Variants in STMN3 observed in about 807,000 individuals in gnomAD.
STMN3 encodes stathmin 3.
In STMN3, 24 loss-of-function variants were observed where a neutral mutation model predicts 23.2. That is an observed-to-expected ratio of 1.03 (90% CI 0.75 to 1.45). STMN3 has a LOEUF of 1.45. STMN3 is among the 40% of genes most tolerant of loss of function. STMN3 has a pLI of 0.00. For missense variants in STMN3, 235 were observed against 237.6 expected (o/e 0.99, Z 0.07); for synonymous variants, 117 against 103.4 (o/e 1.13, Z -0.80).
intron 1 of STMN3, among the ~76,000 whole-genome samples, chr20:63,648,843 T>A (rs2146121002): frequency 6.6e-6 from 1 of 152,174 alleles, no homozygotes; most frequent in South Asian, 2.1e-4. Flanking sequence ...GAAAAAAAGA[T>A]CTGTAGGCTC....
Position 63,644,229 on chromosome 20 carries a change from C to T in STMN3, c.100G>A (p.Val34Ile), listed in dbSNP as rs556068883. The T allele has an allele frequency of 8.1e-6, 13 of 1,613,602 alleles. No homozygotes were observed. The highest frequency in any genetic ancestry group is 2.2e-5 in the East Asian group (1 of 44,884). ...AGGCACTCACCCCCGTACTGGTAGA[C>T]GGTATTGGGGTGCGGCTGTGTGTAG... Reference protein sequence around the residue: ...CFYTQPHPNTVYQYGDMEVKQ... With the variant: ...CFYTQPHPNTIYQYGDMEVKQ... The change falls in exon 2 of 5, where the codon GTC becomes ATC. Residue 34 changes from valine to isoleucine, a missense_variant. By Grantham distance (29) the Val-to-Ile change is conservative. Transcript: ENST00000370053.
intron 3 of STMN3, 100 bp from the exon 4 acceptor site, chr20:63,642,399 A>G (rs2146113831): frequency 1.2e-6 from 1 of 829,138 alleles, no homozygotes; most frequent in East Asian, 3.7e-5. Flanking sequence ...CGCTCGCCTC[A>G]CCTGGCGCCT....
chr20:63,639,754 AT>A lies in STMN3; in HGVS notation c.*1583del, dbSNP rs2089744607. ...TTTATTTAATTGTTCATTTGATTGA[AT>A]TTTTAAGTTCACTTTACTACGTGGA... On this transcript the variant is annotated 3_prime_UTR_variant, in exon 5 of 5. Coordinates refer to ENST00000370053, the MANE Select transcript of STMN3 (RefSeq NM_015894.4). 1 of 152,344 alleles carries A rather than the reference AT, an allele frequency of 6.6e-6. No homozygotes were observed. The highest frequency in any genetic ancestry group is 1.5e-5 in the Non-Finnish European group (1 of 68,058). The allele number at this position is 152,344 out of a possible 1,614,324, so 9.4% of individuals were successfully genotyped here.
rs146274673 is a variant in STMN3 at position 63,649,463 on chromosome 20, T to A, written c.19+3864A>T. On this transcript the variant is annotated intron_variant, in intron 1 of 4. Coordinates refer to ENST00000370053, the MANE Select transcript of STMN3 (RefSeq NM_015894.4). ...GAGGCCCAGACCCATCCAGGCCACC[T>A]CTCCACAGACACAGCTGGTGCCAGG... Among the ~76,000 whole-genome samples, 108 of 152,170 alleles carry A rather than the reference T, an allele frequency of 7.1e-4. 2 individuals carry two copies. The East Asian group carries it at 0.021, about 29-fold the overall frequency.
intron 1 of STMN3, among the ~76,000 whole-genome samples, chr20:63,647,043 C>T (rs1303628795): frequency 6.6e-6 from 1 of 152,002 alleles, no homozygotes; most frequent in African/African-American, 2.4e-5. Flanking sequence ...CGTGGTGGCT[C>T]ATGCCTGTAA....
In STMN3 at chr20:63,645,373, C is replaced by T. The variant is rs942632664; in HGVS notation, c.20-1064G>A. 2.6e-5 allele frequency among the ~76,000 whole-genome samples: 4 copies of T among 152,142 alleles called. No individual in the cohort carries two copies. In the East Asian group the frequency reaches 7.7e-4, roughly 29 times the overall value. On this transcript the variant is annotated intron_variant, in intron 1 of 4. Coordinates refer to ENST00000370053, the MANE Select transcript of STMN3 (RefSeq NM_015894.4). Reference sequence around the variant, plus strand: ...GCACATGCTCTCTGTCTATCTAGGGCTGGGCTTGGGCCACTGATGCCACCA... The same window carrying T: ...GCACATGCTCTCTGTCTATCTAGGGTTGGGCTTGGGCCACTGATGCCACCA...
At position 63,642,110 on chromosome 20, in the gene STMN3, TCTCGCGCAGCCG is replaced by T; in HGVS notation, c.469_480del (p.Arg157_Glu160del). ...CCGCCCCGGCCCCGCCCCCGCACCTTCTCGCGCAGCCGCTCGCGCAGTGCGGCCAGGTGTGCC... is the reference window on the plus strand; with the variant it reads ...CCGCCCCGGCCCCGCCCCCGCACCTTCTCGCGCAGTGCGGCCAGGTGTGCC... On this transcript the variant is annotated inframe_deletion, in exon 4 of 5. Transcript: ENST00000370053. The T allele has an allele frequency of 2.9e-6, 4 of 1,397,926 alleles. No homozygotes were observed. The highest frequency in any genetic ancestry group is 1.3e-5 in the South Asian group (1 of 79,936). 86.6% of individuals were successfully genotyped at this position (1,397,926 alleles called of 1,614,324 possible).
chr20:63,651,474 C>T (rs549680556), intron 1 of STMN3, among the ~76,000 whole-genome samples: 1 of 152,118 alleles, frequency 6.6e-6, no homozygotes, highest in Non-Finnish European at 1.5e-5. Flanking sequence ...CTGCCGGCTC[C>T]CCCCGGGGGC....
chr20:63,652,634 G>T lies in STMN3; in HGVS notation c.19+693C>A, dbSNP rs1363011433. 3.0e-6 allele frequency: 3 copies of T among 985,424 alleles called. No individual in the cohort carries two copies. Among genetic ancestry groups the T allele is most frequent in the Middle Eastern group, 5.2e-4 (1 of 1,934 alleles). The allele number at this position is 985,424 out of a possible 1,614,324, so 61.0% of individuals were successfully genotyped here. On this transcript the variant is annotated intron_variant, in intron 1 of 4. Transcript: ENST00000370053. This position sits in a 1 kb window ranked among gnomAD's most constrained non-coding sequence, Gnocchi z 5.3. ...GGGGCGGGAGGGGCGGAGCCCTCTG[G>T]TCTCCGGAGGGTTTGGGGATCGCAG...
chr20:63,653,410 G>C lies in STMN3; in HGVS notation c.-65C>G, dbSNP rs1466214523. ...GCAAGTGGCGGCCGGAGCTGCAGAC[G>C]GCTGGTGCTGCAGTGCCGGGGAGGG... is the stretch of plus-strand genomic sequence containing the variant. On this transcript the variant is annotated 5_prime_UTR_variant, in exon 1 of 5. Transcript: ENST00000370053. 3 of 1,512,600 alleles carry C rather than the reference G, an allele frequency of 2.0e-6. No individual in the cohort carries two copies. Among genetic ancestry groups the C allele is most frequent in the East Asian group, 2.6e-5 (1 of 37,956 alleles). 93.7% of individuals were successfully genotyped at this position (1,512,600 alleles called of 1,614,324 possible).
chr20:63,642,743 C>T (rs1335545933), intron 3 of STMN3, among the ~76,000 whole-genome samples: 1 of 152,240 alleles, frequency 6.6e-6, no homozygotes, highest in African/African-American at 2.4e-5. Context: ...GGGTTCCCAG[C>T]TCCCAATTAG....
chr20:63,644,859 C>T (rs984157742), intron 1 of STMN3, among the ~76,000 whole-genome samples: 4 of 152,208 alleles, frequency 2.6e-5, no homozygotes, highest in Admixed American at 2.6e-4. Context: ...CAGGCACCGA[C>T]TCTGCCGGCA....
Position 63,639,794 on chromosome 20 carries a change from T to C in STMN3, c.*1544A>G, listed in dbSNP as rs1390563924. The C allele has an allele frequency of 6.6e-6, 1 of 152,402 alleles. No individual in the cohort carries two copies. Among genetic ancestry groups the C allele is most frequent in the East Asian group, 1.9e-4 (1 of 5,336 alleles). The allele number at this position is 152,402 out of a possible 1,614,324, so 9.4% of individuals were successfully genotyped here. A position where few individuals can be genotyped will look rare whatever the true frequency, so the allele number is the denominator to read the frequency against. On this transcript the variant is annotated 3_prime_UTR_variant, in exon 5 of 5. Transcript: ENST00000370053. ...TTACTACGTGGATGAGATGGGTGCATATTACAGTAGGCTTTCGCTATGAGC... is the reference window on the plus strand; with the variant it reads ...TTACTACGTGGATGAGATGGGTGCACATTACAGTAGGCTTTCGCTATGAGC...
chr20:63,648,769 G>A (rs1185816466), intron 1 of STMN3, among the ~76,000 whole-genome samples: 1 of 152,098 alleles, frequency 6.6e-6, no homozygotes, highest in Non-Finnish European at 1.5e-5. Context: ...TTACCATAAA[G>A]GCCAGAAAAT....
rs767441107 is a variant in STMN3, at chr20:63,644,218, G to A, written c.111C>T (p.Tyr37=). Residue 37 remains tyrosine (Y), a synonymous_variant, in exon 2 of 5, where the codon TAC becomes TAT. Coordinates refer to ENST00000370053, the MANE Select transcript of STMN3 (RefSeq NM_015894.4). ...TQPHPNTVYQ[Y]GDMEVKQLDK... is the part of the protein sequence containing the mutation. ...AGGCGGCAGCCAGGCACTCACCCCC[G>A]TACTGGTAGACGGTATTGGGGTGCG... 68 of 1,612,180 alleles carry A rather than the reference G, an allele frequency of 4.2e-5. No individual in the cohort carries two copies. The highest frequency in any genetic ancestry group is 3.3e-4 in the Middle Eastern group (2 of 6,078).
At chr20:63,642,083 C>T (rs1475754965) in intron 4 of STMN3, 25 bp downstream of exon 4, 3 of 1,363,956 alleles carry the variant, frequency 2.2e-6, no homozygotes, top group Non-Finnish European at 1.9e-6. Flanking sequence ...CCGCTCCGAG[C>T]TCCGCCCCGG....
rs1491113964 is a variant in STMN3 at position 63,647,929 on chromosome 20, C to CGT, written c.20-3622_20-3621dup. Among the ~76,000 whole-genome samples, 164 of 48,264 alleles carry CGT rather than the reference C, an allele frequency of 3.4e-3. 6 individuals carry two copies. The highest frequency in any genetic ancestry group is 5.5e-3 in the Non-Finnish European group (131 of 23,614). The allele number at this position is 48,264 out of a possible 152,430, so 31.7% of individuals were successfully genotyped here. A position where few individuals can be genotyped will look rare whatever the true frequency, so the allele number is the denominator to read the frequency against. ...ACGTGTGTATATATTAATATATATA[C>CGT]GTATATATGTGTGTGTGTGTATATA... On this transcript the variant is annotated intron_variant, in intron 1 of 4. Transcript: ENST00000370053.
intron 1 of STMN3, among the ~76,000 whole-genome samples, chr20:63,647,881 TTAA>T (rs1199792632): frequency 1.7e-5 from 2 of 121,146 alleles, no homozygotes; most frequent in African/African-American, 2.8e-5. Flanking sequence ...CGTGTATATA[TTAA>T]TATATATACG....
intron 2 of STMN3, 112 bp from the exon 3 acceptor site, chr20:63,644,043 C>T: frequency 6.9e-7 from 1 of 1,458,702 alleles, no homozygotes; most frequent in Non-Finnish European, 9.3e-7. Flanking sequence ...GAGGGGGTGG[C>T]TGCTCCCGCA....
Sources: gnomAD v4.1 joint callset for allele counts (sites outside exome capture counted in the v4.1 genomes callset) on GRCh38, gnomAD v4.1.1 for gene constraint, Gnocchi (gnomAD v3.1) non-coding constraint, MANE v1.5 for transcripts, NCBI Gene and HGNC (gene_info 2026-07-23, HGNC 2026-07-21) for gene names.